Variants in RAET1G observed in about 807,000 individuals in gnomAD.
RAET1G encodes the protein retinoic acid early transcript 1G.
A neutral mutation model predicts 29.5 loss-of-function variants in RAET1G; 25 were observed. That is an observed-to-expected ratio of 0.85 (90% CI 0.62 to 1.18). RAET1G has a LOEUF of 1.18. Ranked by LOEUF, RAET1G falls within the 50% of genes most tolerant of loss-of-function variation. The pLI, the probability that RAET1G is intolerant of heterozygous loss-of-function variation, is 0.00. For missense variants in RAET1G, 434 were observed against 423.6 expected, an observed-to-expected ratio of 1.02 and a Z score of -0.22; for synonymous variants, 167 against 159.5, an observed-to-expected ratio of 1.05 and a Z score of -0.36.
chr6:149,918,332 G>T lies in RAET1G; in HGVS notation c.684C>A (p.Thr228=), dbSNP rs764773788. ...GTAQPRATAT[T]LILCCLLIMC... is the part of the protein sequence containing the mutation. ...TGATGAGGAGGCAGCAAAGGATGAG[G>T]GTGGTGGCCGTGGCCCTGGGTTGGG... Residue 228 remains threonine (T), a synonymous_variant, in exon 4 of 5, where the codon ACC becomes ACA. Transcript: ENST00000367360. The T allele has an allele frequency of 5.6e-6, 9 of 1,614,142 alleles. No homozygotes were observed. The Admixed American group carries it at 6.7e-5, about 12-fold the overall frequency.
chr6:149,919,838 G>A (rs1036307449), intron 1 of RAET1G, 22 bp from the exon 2 acceptor site: 1 of 1,612,042 alleles, frequency 6.2e-7, no homozygotes, highest in African/African-American at 1.3e-5. Flanking sequence ...GGCAGGTGAG[G>A]GGTGGGTGGG....
At position 149,919,656 on chromosome 6, in the gene RAET1G, ATT is replaced by A. The variant is rs1415117038; in HGVS notation, c.244_245del (p.Asn82CysfsTer25). 1.2e-6 allele frequency: 2 copies of A among 1,613,850 alleles called. No homozygotes were observed. The highest frequency in any genetic ancestry group is 2.7e-5 in the African/African-American group (2 of 74,900). ...TCTGTGCTTTCCAGGCCGTTGTGACATTTAGTTTCTTCCCCAGGGGACTGACG... is the reference window on the plus strand; with the variant it reads ...TCTGTGCTTTCCAGGCCGTTGTGACATAGTTTCTTCCCCAGGGGACTGACG... ...TPVSPLGKKL[N>X]VTTAWKAQNP... On this transcript the variant is annotated frameshift_variant, in exon 2 of 5. Coordinates refer to ENST00000367360, the MANE Select transcript of RAET1G (RefSeq NM_001001788.4). LOFTEE classifies it high-confidence loss of function.
At position 149,919,541 on chromosome 6, in the gene RAET1G, T is replaced by C. The variant is rs970249238; in HGVS notation, c.349+12A>G. 1.2e-6 allele frequency: 2 copies of C among 1,614,018 alleles called. No homozygotes were observed. Among genetic ancestry groups the C allele is most frequent in the East Asian group, 2.2e-5 (1 of 44,888 alleles). ...ATCTGCTCCCTGCTGTCCTGGGCCA[T>C]CTGAAACTTACCCTTGGGTATGTAA... On this transcript the variant is annotated intron_variant, in intron 2 of 4. Coordinates refer to ENST00000367360, the MANE Select transcript of RAET1G (RefSeq NM_001001788.4).
intron 4 of RAET1G, 54 bp downstream of exon 4, chr6:149,918,120 T>TC (rs1778491091): frequency 2.0e-6 from 3 of 1,500,266 alleles, no homozygotes; most frequent in Non-Finnish European, 2.8e-6. Context: ...TCCATCCCTG[T>TC]CCTCCCTCCT....
rs767929036 is a variant in RAET1G, at chr6:149,919,271, C to T, written c.403G>A (p.Gly135Ser). 3.7e-5 allele frequency: 59 copies of T among 1,614,076 alleles called. No individual in the cohort carries two copies. The Middle Eastern group carries it at 4.9e-4, about 13-fold the overall frequency. The part of the protein sequence containing the change: ...MSCEQKAEGH[G>S]SGSWQLSFDG... ...AAACTGAGCTGCCAAGATCCACTGC[C>T]GTGTCCTTCGGCTTTCTGCTCACAA... is the stretch of plus-strand genomic sequence containing the variant. The change falls in exon 3 of 5, where the codon GGC becomes AGC. Residue 135 changes from glycine (G) to serine (S), a missense_variant. Gly to Ser is a moderately conservative substitution (Grantham distance 56). Transcript: ENST00000367360.
rs770403794 is a variant in RAET1G at position 149,919,847 on chromosome 6, G to T, written c.86-31C>A. The T allele has an allele frequency of 3.1e-6, 5 of 1,611,870 alleles. No individual in the cohort carries two copies. In the South Asian group the frequency reaches 5.5e-5, roughly 18 times the overall value. ...GAGAAAGGCAGGTGAGGGGTGGGTG[G>T]GGAGGAAAAGACCCCTAGATACCCC... On this transcript the variant is annotated intron_variant, in intron 1 of 4. Coordinates refer to ENST00000367360, the MANE Select transcript of RAET1G (RefSeq NM_001001788.4).
chr6:149,922,894 C>T, intron 1 of RAET1G, 32 bp downstream of exon 1: 1 of 1,528,548 alleles, frequency 6.5e-7, no homozygotes, highest in Non-Finnish European at 8.9e-7. Context: ...CGGTTGGCCT[C>T]CGCCCCGCTT....
At position 149,916,965 on chromosome 6, in the gene RAET1G, T is replaced by C. The variant is rs773412236; in HGVS notation, c.952A>G (p.Ile318Val). ...SLPCPLALYT[I>V]NNGAARYSEP... is the part of the protein sequence containing the mutation. Reference sequence around the variant, plus strand: ...GAATACCTGGCTGCGCCGTTATTTATTGTATACAAGGCAAGAGGGCAGGGT... The same window carrying C: ...GAATACCTGGCTGCGCCGTTATTTACTGTATACAAGGCAAGAGGGCAGGGT... Residue 318 changes from isoleucine (I) to valine (V), a missense_variant, in exon 5 of 5, where the codon ATA (isoleucine) becomes GTA (valine). Ile to Val is a conservative substitution (Grantham distance 29). Coordinates refer to ENST00000367360, the MANE Select transcript of RAET1G (RefSeq NM_001001788.4). The C allele has an allele frequency of 8.4e-6, 13 of 1,548,634 alleles. 1 individual carries two copies. The South Asian group carries it at 1.2e-4, about 14-fold the overall frequency.
At position 149,917,024 on chromosome 6, in the gene RAET1G, G is replaced by A. The variant is rs117110879; in HGVS notation, c.893C>T (p.Thr298Ile). 1.4e-3 allele frequency: 2,225 copies of A among 1,550,600 alleles called. 5 individuals carry two copies. The highest frequency in any genetic ancestry group is 1.7e-3 in the Non-Finnish European group (1,999 of 1,146,294). Residue 298 changes from threonine to isoleucine, a missense_variant, in exon 5 of 5, where the codon ACT becomes ATT. Coordinates refer to ENST00000367360, the MANE Select transcript of RAET1G (RefSeq NM_001001788.4). ...PLSGGHVTRV[T>I]LPIIGDDSHS... ...TGAGTCGTCTCCAATGATAGGTAAA[G>A]TCACGCGAGTCACGTGTCCACCAGA...
chr6:149,922,200 C>T (rs1245001887), intron 1 of RAET1G, among the ~76,000 whole-genome samples: 1 of 152,188 alleles, frequency 6.6e-6, no homozygotes, highest in African/African-American at 2.4e-5. Flanking sequence ...TGCACAGGTT[C>T]TGTGGGGAGC....
chr6:149,922,221 T>A (rs1778613329), intron 1 of RAET1G, among the ~76,000 whole-genome samples: 1 of 152,108 alleles, frequency 6.6e-6, no homozygotes, highest in South Asian at 2.1e-4. Flanking sequence ...TTGGGGTGTG[T>A]TTGCTGGGGT....
Position 149,919,254 on chromosome 6 carries a change from C to T in RAET1G, c.420G>A (p.Gln140=). 5 of 1,614,238 alleles carry T rather than the reference C, an allele frequency of 3.1e-6. No individual in the cohort carries two copies. The highest frequency in any genetic ancestry group is 4.2e-6 in the Non-Finnish European group (5 of 1,180,038). Residue 140 remains glutamine, a synonymous_variant, in exon 3 of 5, where the codon CAG becomes CAA. Transcript: ENST00000367360. ...KAEGHGSGSW[Q]LSFDGQIFLL... is the part of the protein sequence containing the mutation. ...GGAAGATCTGTCCATCGAAACTGAG[C>T]TGCCAAGATCCACTGCCGTGTCCTT...
intron 1 of RAET1G, among the ~76,000 whole-genome samples, chr6:149,922,042 C>A (rs1224991735): frequency 1.3e-5 from 2 of 152,176 alleles, no homozygotes; most frequent in South Asian, 2.1e-4. Context: ...GGTTTGCTGA[C>A]CCCTGTCTAC....
Position 149,919,549 on chromosome 6 carries a change from T to C in RAET1G, c.349+4A>G. On this transcript the variant is annotated splice_donor_region_variant and intron_variant, in intron 2 of 4. Coordinates refer to ENST00000367360, the MANE Select transcript of RAET1G (RefSeq NM_001001788.4). ...CCTGCTGTCCTGGGCCATCTGAAAC[T>C]TACCCTTGGGTATGTAATTCTCCAG... The C allele has an allele frequency of 6.2e-7, 1 of 1,614,038 alleles. No homozygotes were observed. Among genetic ancestry groups the C allele is most frequent in the Non-Finnish European group, 8.5e-7 (1 of 1,179,872 alleles).
intron 1 of RAET1G, among the ~76,000 whole-genome samples, chr6:149,920,265 T>C (rs1169799397): frequency 6.6e-6 from 1 of 152,142 alleles, no homozygotes; most frequent in Non-Finnish European, 1.5e-5. Context: ...AAGAGTTAAT[T>C]ATCATGGTCA....
chr6:149,919,181 C>A lies in RAET1G; in HGVS notation c.493G>T (p.Ala165Ser). 1.9e-6 allele frequency: 3 copies of A among 1,614,220 alleles called. No individual in the cohort carries two copies. Among genetic ancestry groups the A allele is most frequent in the Non-Finnish European group, 2.5e-6 (3 of 1,180,042 alleles). Reference sequence around the variant, plus strand: ...TCCCACTTTTCTTTCATCTTTCTGGCTCCAGGATGAACCGTTGTCCACATT... The same window carrying A: ...TCCCACTTTTCTTTCATCTTTCTGGATCCAGGATGAACCGTTGTCCACATT... The part of the protein sequence containing the change: ...NRMWTTVHPG[A>S]RKMKEKWEND... Residue 165 changes from alanine (A) to serine (S), a missense_variant, in exon 3 of 5, where the codon GCC (alanine) becomes TCC (serine). Ala to Ser is a moderately conservative substitution (Grantham distance 99). Coordinates refer to ENST00000367360, the MANE Select transcript of RAET1G (RefSeq NM_001001788.4).
intron 1 of RAET1G, among the ~76,000 whole-genome samples, chr6:149,922,570 C>A (rs1778619744): frequency 6.6e-6 from 1 of 152,142 alleles, no homozygotes; most frequent in Non-Finnish European, 1.5e-5. Context: ...CCACTTCACC[C>A]CTGTCCTGAC....
Position 149,919,734 on chromosome 6 carries a change from C to T in RAET1G, c.168G>A (p.Val56=), listed in dbSNP as rs777701702. The T allele has an allele frequency of 6.2e-7, 1 of 1,613,426 alleles. No homozygotes were observed. Among genetic ancestry groups the T allele is most frequent in the South Asian group, 1.1e-5 (1 of 91,048 alleles). Residue 56 remains valine (V), a synonymous_variant, in exon 2 of 5, where the codon GTG becomes GTA. Transcript: ENST00000367360. ...CATAGTGAAGAAAAGTCTTTTCATCCACCTGGCCTTGAACCGCACACCACC... is the reference window on the plus strand; with the variant it reads ...CATAGTGAAGAAAAGTCTTTTCATCTACCTGGCCTTGAACCGCACACCACC... ...GPRWCAVQGQ[V]DEKTFLHYDC...
intron 3 of RAET1G, 106 bp from the exon 4 acceptor site, chr6:149,918,490 G>C (rs1216123671): frequency 2.3e-6 from 3 of 1,304,514 alleles, no homozygotes; most frequent in African/African-American, 1.5e-5. Flanking sequence ...CAGAGGTTTT[G>C]TCCCCTCTGC....
Sources: gnomAD v4.1 joint callset for allele counts (sites outside exome capture counted in the v4.1 genomes callset) on GRCh38, gnomAD v4.1.1 for gene constraint, MANE v1.5 for transcripts, NCBI Gene and HGNC (gene_info 2026-07-23, HGNC 2026-07-21) for gene names.